EPAS1: variants seen among roughly 807,000 people sequenced by gnomAD.
EPAS1 encodes the protein endothelial PAS domain protein 1, also known as endothelial PAS domain-containing protein 1.
In EPAS1, 23 loss-of-function variants were observed where a neutral mutation model predicts 87.9. The observed-to-expected ratio is 0.26, with a 90% confidence interval of 0.19 to 0.37. The LOEUF (loss-of-function observed/expected upper bound fraction) is 0.37. Ranked by LOEUF, EPAS1 falls within the 10% of genes least tolerant of loss-of-function variation. The pLI is 1.00. For synonymous variants in EPAS1, 508 were observed against 444.3 expected (o/e 1.14, Z -1.80); for missense variants, 1,138 against 1,120.7 (o/e 1.02, Z -0.22).
rs1684873041 is a variant in EPAS1, at chr2:46,380,821, T to C, written c.2045+104T>C. The C allele has an allele frequency of 6.4e-7, 1 of 1,571,620 alleles. No individual in the cohort carries two copies. Among genetic ancestry groups the C allele is most frequent in the African/African-American group, 1.3e-5 (1 of 74,300 alleles). ...AGGCCCCTGCCCCTCTCCCCAGCCA[T>C]CTGATACCCCATTTAGCCCTTCTCT... On this transcript the variant is annotated intron_variant, in intron 12 of 15. Transcript: ENST00000263734. The surrounding 1 kb of genome is among the most constrained non-coding windows in gnomAD (Gnocchi z 4.4).
chr2:46,298,337 C>A (rs937778653), intron 1 of EPAS1, among the ~76,000 whole-genome samples: 2 of 152,246 alleles, frequency 1.3e-5, no homozygotes, highest in African/African-American at 4.8e-5. Flanking sequence ...GGGGCAGCAT[C>A]CACGTCTCTA....
chr2:46,359,391 C>G (rs1377265131), intron 4 of EPAS1, among the ~76,000 whole-genome samples: 3 of 151,730 alleles, frequency 2.0e-5, no homozygotes, highest in African/African-American at 4.8e-5. Flanking sequence ...TACCCAACAA[C>G]TGGTCTGGTC....
At chr2:46,348,056 T>A (rs2103617408) in intron 2 of EPAS1, among the ~76,000 whole-genome samples, 1 of 152,262 alleles carries the variant, frequency 6.6e-6, no homozygotes, top group Admixed American at 6.5e-5. Context: ...ATGAAGTGGC[T>A]ATTCTGGGAA....
intron 1 of EPAS1, among the ~76,000 whole-genome samples, chr2:46,314,006 A>T (rs77039952): frequency 0.024 from 3,655 of 152,268 alleles, 61 homozygotes; most frequent in Non-Finnish European, 0.034. Context: ...CTTGATGTAG[A>T]TTGAAGCTTT....
intron 9 of EPAS1, 89 bp from the exon 10 acceptor site, chr2:46,377,805 G>C (rs371750783): frequency 1.5e-5 from 23 of 1,550,370 alleles, no homozygotes; most frequent in Middle Eastern, 3.3e-4. Context: ...GACCCTCTTA[G>C]GGCCTTCTCT....
chr2:46,301,604 C>G (rs1683001329), intron 1 of EPAS1, among the ~76,000 whole-genome samples: 1 of 149,670 alleles, frequency 6.7e-6, no homozygotes, highest in Admixed American at 6.6e-5. Flanking sequence ...AAAGTCAGAA[C>G]CCTGGTTTAT....
At chr2:46,349,472 T>G (rs1684103324) in intron 2 of EPAS1, among the ~76,000 whole-genome samples, 1 of 152,166 alleles carries the variant, frequency 6.6e-6, no homozygotes, top group African/African-American at 2.4e-5. Flanking sequence ...CCCATATCTA[T>G]CCCATCTCCG....
intron 1 of EPAS1, among the ~76,000 whole-genome samples, chr2:46,343,330 A>T (rs1339267619): frequency 6.6e-6 from 1 of 152,206 alleles, no homozygotes; most frequent in Admixed American, 6.5e-5. Context: ...ACTGTATTTA[A>T]AAAAGTATTA....
At position 46,360,513 on chromosome 2, in the gene EPAS1, C is replaced by G. The variant is rs1684363799; in HGVS notation, c.455-125C>G. 1 of 843,656 alleles carries G rather than the reference C, an allele frequency of 1.2e-6. No homozygotes were observed. 52.3% of individuals were successfully genotyped at this position (843,656 alleles called of 1,614,324 possible). ...CAGTGTTGATGGCAGACCACAGGTG[C>G]TAAGAGAGCAGATATTTGGAAAATA... is the stretch of plus-strand genomic sequence containing the variant. On this transcript the variant is annotated intron_variant, in intron 4 of 15. Transcript: ENST00000263734. This position sits in a 1 kb window ranked among gnomAD's most constrained non-coding sequence, Gnocchi z 4.5.
rs528235453 is a variant in EPAS1, at chr2:46,297,780, C to A, written c.-132C>A. 1 of 1,267,580 alleles carries A rather than the reference C, an allele frequency of 7.9e-7. No individual in the cohort carries two copies. Among genetic ancestry groups the A allele is most frequent in the African/African-American group, 1.5e-5 (1 of 66,456 alleles). 78.5% of individuals were successfully genotyped at this position (1,267,580 alleles called of 1,614,324 possible). On this transcript the variant is annotated 5_prime_UTR_variant, in exon 1 of 16. Transcript: ENST00000263734. ...ACCTTCCACCTGACTGCGCGGGGCG[C>A]TCGGGACCTGCGCGCACCTCGGACC...
At chr2:46,352,472 C>T (rs1009862102) in intron 2 of EPAS1, among the ~76,000 whole-genome samples, 11 of 151,666 alleles carry the variant, frequency 7.3e-5, no homozygotes, top group African/African-American at 2.2e-4. Context: ...GTAGGGAGCG[C>T]GTGCATTTTC....
chr2:46,344,505 C>T (rs985179427), intron 1 of EPAS1, among the ~76,000 whole-genome samples: 1 of 152,204 alleles, frequency 6.6e-6, no homozygotes, highest in African/African-American at 2.4e-5. Flanking sequence ...ATGATGTGTG[C>T]GGTTTCAGCA....
chr2:46,368,113 G>A (rs767450601), intron 6 of EPAS1, among the ~76,000 whole-genome samples: 1 of 152,240 alleles, frequency 6.6e-6, no homozygotes, highest in Non-Finnish European at 1.5e-5. Context: ...AGCAAAAGGA[G>A]AAAGTGGTCC....
In EPAS1 at chr2:46,376,757, G is replaced by A; in HGVS notation, c.1249+4G>A. 4.3e-6 allele frequency: 7 copies of A among 1,611,984 alleles called. No homozygotes were observed. The highest frequency in any genetic ancestry group is 5.9e-6 in the Non-Finnish European group (7 of 1,179,888). On this transcript the variant is annotated splice_donor_region_variant and intron_variant, in intron 9 of 15. Transcript: ENST00000263734. ...GCCATCATCTCTCTGGATTTCGGTG[G>A]GTGCTTCTTAGCTAAGCCAGGCCCC...
At chr2:46,336,336 G>A (rs1683794614) in intron 1 of EPAS1, among the ~76,000 whole-genome samples, 1 of 152,138 alleles carries the variant, frequency 6.6e-6, no homozygotes, top group Non-Finnish European at 1.5e-5. Context: ...TAGAACGTTT[G>A]CATAGAAAAG....
At position 46,347,240 on chromosome 2, in the gene EPAS1, G is replaced by A; in HGVS notation, c.217+177G>A. 1 of 733,336 alleles carries A rather than the reference G, an allele frequency of 1.4e-6. No homozygotes were observed. Among genetic ancestry groups the A allele is most frequent in the Non-Finnish European group, 2.3e-6 (1 of 430,492 alleles). The allele number at this position is 733,336 out of a possible 1,614,324, so 45.4% of individuals were successfully genotyped here. On this transcript the variant is annotated intron_variant, in intron 2 of 15. Coordinates refer to ENST00000263734, the MANE Select transcript of EPAS1 (RefSeq NM_001430.5). This position sits in a 1 kb window ranked among gnomAD's most constrained non-coding sequence, Gnocchi z 4.2. Reference sequence around the variant, plus strand: ...CATGTTAAACATCTCTCTTCCAGCAGTGACCTTTACCGTGAATCCAGCTGT... The same window carrying A: ...CATGTTAAACATCTCTCTTCCAGCAATGACCTTTACCGTGAATCCAGCTGT...
At chr2:46,314,053 C>CA (rs139908453) in intron 1 of EPAS1, among the ~76,000 whole-genome samples, 3,653 of 152,274 alleles carry the variant, frequency 0.024, 60 homozygotes, top group Non-Finnish European at 0.034. Flanking sequence ...AACTGAGGCA[C>CA]AAAAATGTGA....
intron 15 of EPAS1, 138 bp from the exon 16 acceptor site, chr2:46,384,371 G>A: frequency 8.1e-7 from 1 of 1,230,874 alleles, no homozygotes. Context: ...GCATGCAGCA[G>A]GCCGTGGGAC....
chr2:46,345,194 G>A (rs1683999295), intron 1 of EPAS1, among the ~76,000 whole-genome samples: 1 of 152,034 alleles, frequency 6.6e-6, no homozygotes, highest in African/African-American at 2.4e-5. Context: ...TGCCCGGGCT[G>A]GTCTTGAACT....
Sources: gnomAD v4.1 joint callset for allele counts (sites outside exome capture counted in the v4.1 genomes callset) on GRCh38, gnomAD v4.1.1 for gene constraint, Gnocchi (gnomAD v3.1) non-coding constraint, MANE v1.5 for transcripts, NCBI Gene and HGNC (gene_info 2026-07-23, HGNC 2026-07-21) for gene names.